THSD4: variants seen among roughly 807,000 people sequenced by gnomAD.
THSD4 encodes thrombospondin type 1 domain containing 4, also known as thrombospondin type-1 domain-containing protein 4.
In THSD4, 69 loss-of-function variants were observed where a neutral mutation model predicts 119.0. The observed-to-expected ratio is 0.58, with a 90% confidence interval of 0.48 to 0.71. The LOEUF is 0.71. Among genes scored for constraint, THSD4 ranks in the 30% least tolerant of loss-of-function variants. The pLI is 0.00. For synonymous variants in THSD4, 524 were observed against 540.4 expected (o/e 0.97, Z 0.42); for missense variants, 1,393 against 1,391.1 (o/e 1.00, Z -0.02).
At chr15:71,265,144 A>G (rs772773968) in intron 6 of THSD4, among the ~76,000 whole-genome samples, 2 of 152,036 alleles carry the variant, frequency 1.3e-5, no homozygotes. Flanking sequence ...CTAGTGGAAC[A>G]CTAACAGTGG....
chr15:71,450,810 C>A (rs2047253683), intron 7 of THSD4, among the ~76,000 whole-genome samples: 2 of 152,056 alleles, frequency 1.3e-5, no homozygotes, highest in South Asian at 4.2e-4. Context: ...ACACGGGAGC[C>A]CCACAAAATA....
intron 6 of THSD4, among the ~76,000 whole-genome samples, chr15:71,402,692 G>A (rs2046552932): frequency 6.6e-6 from 1 of 152,158 alleles, no homozygotes; most frequent in Non-Finnish European, 1.5e-5. Context: ...TTAACCTTGA[G>A]GGAGGCAGCT....
At chr15:71,189,595 G>T (rs1233537735) in intron 3 of THSD4, among the ~76,000 whole-genome samples, 7 of 152,068 alleles carry the variant, frequency 4.6e-5, no homozygotes, top group Admixed American at 1.3e-4. Context: ...GCGTGAACCC[G>T]GGAGGTGGAG....
chr15:71,721,665 G>A (rs2052725414), intron 8 of THSD4, among the ~76,000 whole-genome samples: 1 of 49,370 alleles, frequency 2.0e-5, no homozygotes, highest in Admixed American at 2.8e-4. Flanking sequence ...GTGAGACCCT[G>A]TCTCAAAAAA....
chr15:71,235,149 A>G (rs2044093697), intron 4 of THSD4, among the ~76,000 whole-genome samples: 1 of 152,228 alleles, frequency 6.6e-6, no homozygotes, highest in African/African-American at 2.4e-5. Flanking sequence ...AATGCTTTGT[A>G]TCAATGCCAG....
chr15:71,250,649 G>A lies in THSD4; in HGVS notation c.913-5964G>A, dbSNP rs183166208. 1.6e-4 allele frequency among the ~76,000 whole-genome samples: 25 copies of A among 152,146 alleles called. 1 individual carries two copies. The highest frequency in any genetic ancestry group is 1.4e-3 in the Admixed American group (22 of 15,286). On this transcript the variant is annotated intron_variant, in intron 5 of 17. Coordinates refer to ENST00000261862, the MANE Select transcript of THSD4 (RefSeq NM_024817.3). Reference sequence around the variant, plus strand: ...TTTTAACAAGTTTACATTTTGCCATGTGCTTCCTGATTAGTTAGGGAAAAA... The same window carrying A: ...TTTTAACAAGTTTACATTTTGCCATATGCTTCCTGATTAGTTAGGGAAAAA...
intron 6 of THSD4, among the ~76,000 whole-genome samples, chr15:71,368,680 T>G (rs995765797): frequency 6.6e-6 from 1 of 152,244 alleles, no homozygotes; most frequent in Non-Finnish European, 1.5e-5. Flanking sequence ...CTGTTTTGGT[T>G]ACTGCAGCCT....
At chr15:71,307,754 A>C (rs2045051628) in intron 6 of THSD4, among the ~76,000 whole-genome samples, 1 of 152,208 alleles carries the variant, frequency 6.6e-6, no homozygotes, top group Non-Finnish European at 1.5e-5. Flanking sequence ...TGGGCGACAG[A>C]GCTAGACTCC....
Position 71,660,590 on chromosome 15 carries a change from G to A in THSD4, c.1213G>A (p.Gly405Arg). The change falls in exon 8 of 18, where the codon GGA (glycine) becomes AGA (arginine). Residue 405 changes from glycine (G) to arginine (R), a missense_variant. By Grantham distance (125) the Gly-to-Arg change is moderately radical. Coordinates refer to ENST00000261862, the MANE Select transcript of THSD4 (RefSeq NM_024817.3). Reference sequence around the variant, plus strand: ...AGTCGTGGACAAATGTGGGGTGTGTGGAGGAGACAACACGGGCTGTCAGGT... The same window carrying A: ...AGTCGTGGACAAATGTGGGGTGTGTAGAGGAGACAACACGGGCTGTCAGGT... ...DKVVDKCGVCGGDNTGCQVVS... is the reference protein window; with the variant it reads ...DKVVDKCGVCRGDNTGCQVVS... 5 of 1,614,182 alleles carry A rather than the reference G, an allele frequency of 3.1e-6. No individual in the cohort carries two copies. Among genetic ancestry groups the A allele is most frequent in the Non-Finnish European group, 4.2e-6 (5 of 1,180,026 alleles).
intron 7 of THSD4, among the ~76,000 whole-genome samples, chr15:71,483,801 T>C (rs1217640499): frequency 1.6e-5 from 2 of 126,848 alleles, no homozygotes; most frequent in East Asian, 5.3e-4. Flanking sequence ...CCTCTGCCCA[T>C]GTGTTCTCAT....
intron 15 of THSD4, among the ~76,000 whole-genome samples, chr15:71,763,507 T>C (rs2053660373): frequency 6.6e-6 from 1 of 151,882 alleles, no homozygotes; most frequent in Non-Finnish European, 1.5e-5. Flanking sequence ...GGCCAGGAGT[T>C]CAAGACCAGC....
At chr15:71,323,684 G>C (rs975018413) in intron 6 of THSD4, among the ~76,000 whole-genome samples, 1 of 152,072 alleles carries the variant, frequency 6.6e-6, no homozygotes, top group Non-Finnish European at 1.5e-5. Context: ...AAAATCAAGG[G>C]CTGCCTATAT....
intron 15 of THSD4, among the ~76,000 whole-genome samples, chr15:71,763,444 C>T (rs915337338): frequency 2.0e-5 from 3 of 152,186 alleles, no homozygotes; most frequent in Non-Finnish European, 4.4e-5. Flanking sequence ...GGCACAGTGG[C>T]TCACGCCTGT....
chr15:71,614,055 A>G (rs1429316120), intron 7 of THSD4, among the ~76,000 whole-genome samples: 1 of 152,252 alleles, frequency 6.6e-6, no homozygotes, highest in African/African-American at 2.4e-5. Context: ...AGGCAGGAAC[A>G]GAATATAAAT....
chr15:71,534,830 T>C lies in THSD4; in HGVS notation c.1152+123007T>C, dbSNP rs932460898. On this transcript the variant is annotated intron_variant, in intron 7 of 17. Coordinates refer to ENST00000261862, the MANE Select transcript of THSD4 (RefSeq NM_024817.3). ...CCTGTCTCTACTAAACAACAAAAAT[T>C]AGCCAGGTGTGGTGGTGGGTGTGTG... Among the ~76,000 whole-genome samples the C allele has an allele frequency of 3.3e-5, 5 of 152,168 alleles. No individual in the cohort carries two copies. In the South Asian group the frequency reaches 1.0e-3, roughly 32 times the overall value.
At position 71,331,843 on chromosome 15, in the gene THSD4, T is replaced by C. The variant is rs575025502; in HGVS notation, c.1015+75128T>C. Among the ~76,000 whole-genome samples the C allele has an allele frequency of 4.8e-5, 6 of 125,766 alleles. No individual in the cohort carries two copies. The South Asian group carries it at 1.7e-3, about 36-fold the overall frequency. The allele number at this position is 125,766 out of a possible 152,430, so 82.5% of individuals were successfully genotyped here. A position where few individuals can be genotyped will look rare whatever the true frequency, so the allele number is the denominator to read the frequency against. Reference sequence around the variant, plus strand: ...CCCTCCCCACCCCGTGACATTGGACTGCCTACTTGTCCCTTGAACTTCAGC... The same window carrying C: ...CCCTCCCCACCCCGTGACATTGGACCGCCTACTTGTCCCTTGAACTTCAGC... On this transcript the variant is annotated intron_variant, in intron 6 of 17. Transcript: ENST00000261862.
At chr15:71,650,089 C>T (rs1246188335) in intron 7 of THSD4, among the ~76,000 whole-genome samples, 1 of 152,154 alleles carries the variant, frequency 6.6e-6, no homozygotes, top group Non-Finnish European at 1.5e-5. Context: ...AGTTATAGCC[C>T]ATGGGCCAAA....
intron 3 of THSD4, among the ~76,000 whole-genome samples, chr15:71,207,591 T>C (rs1308335374): frequency 1.3e-5 from 2 of 152,212 alleles, no homozygotes; most frequent in African/African-American, 4.8e-5. Flanking sequence ...CCGCAGCCTG[T>C]TAGGAACCCA....
chr15:71,583,645 C>G (rs187868547), intron 7 of THSD4, among the ~76,000 whole-genome samples: 1 of 151,896 alleles, frequency 6.6e-6, no homozygotes, highest in African/African-American at 2.4e-5. Context: ...TTTTCCCTTT[C>G]GATTTCTTCC....
Sources: allele counts gnomAD v4.1 joint callset (sites outside exome capture counted in the v4.1 genomes callset), GRCh38; gene constraint gnomAD v4.1.1; transcripts MANE v1.5; gene names NCBI Gene and HGNC (gene_info 2026-07-23, HGNC 2026-07-21).